Variants in ADAMTS9 observed in about 807,000 individuals in gnomAD.
ADAMTS9 encodes A disintegrin and metalloproteinase with thrombospondin motifs 9.
ADAMTS9 carries 107 observed loss-of-function variants against 257.1 expected under a neutral mutation model. The observed-to-expected ratio is 0.42, with a 90% CI of 0.36 to 0.49. ADAMTS9 has a LOEUF of 0.49. Ranked by LOEUF, ADAMTS9 falls within the 20% of genes least tolerant of loss-of-function variation. ADAMTS9 has a pLI of 0.03. For synonymous variants in ADAMTS9, 982 were observed against 880.9 expected (o/e 1.11, Z -2.03); for missense variants, 2,353 against 2,469.1 (o/e 0.95, Z 1.00).
chr3:64,687,037 G>A lies in ADAMTS9; in HGVS notation c.116-69C>T, dbSNP rs1701931780. 20 of 1,531,242 alleles carry A rather than the reference G, an allele frequency of 1.3e-5. No individual in the cohort carries two copies. The highest frequency in any genetic ancestry group is 4.4e-6 in the Non-Finnish European group (5 of 1,134,166). The allele number at this position is 1,531,242 out of a possible 1,614,324, so 94.9% of individuals were successfully genotyped here. On this transcript the variant is annotated intron_variant, in intron 1 of 39. Coordinates refer to ENST00000498707, the MANE Select transcript of ADAMTS9 (RefSeq NM_182920.2). The surrounding 1 kb of genome is among the most constrained non-coding windows in gnomAD (Gnocchi z 4.4). ...CCTTAAGCTTTAATTTAAAACGAAG[G>A]TGGGGACTTTGTTCTGACCTTATTT...
chr3:64,571,087 A>G (rs2083673818), intron 28 of ADAMTS9, among the ~76,000 whole-genome samples: 1 of 152,214 alleles, frequency 6.6e-6, no homozygotes, highest in Admixed American at 6.5e-5. Flanking sequence ...TATAAGGGAA[A>G]AGAGAGTTGT....
chr3:64,545,666 G>A (rs1388932646), intron 32 of ADAMTS9, among the ~76,000 whole-genome samples: 3 of 152,102 alleles, frequency 2.0e-5, no homozygotes, highest in African/African-American at 7.2e-5. Context: ...TAAATGACGA[G>A]TTAATAGGTG....
intron 22 of ADAMTS9, among the ~76,000 whole-genome samples, chr3:64,610,502 C>A (rs969810953): frequency 9.7e-6 from 1 of 102,738 alleles, no homozygotes; most frequent in Non-Finnish European, 1.8e-5. Flanking sequence ...TAACACAATT[C>A]ATATTTTTTT....
chr3:64,598,656 C>T (rs1028265871), intron 26 of ADAMTS9, among the ~76,000 whole-genome samples: 6 of 152,032 alleles, frequency 3.9e-5, no homozygotes, highest in South Asian at 4.1e-4. Context: ...CAGCTTAGTA[C>T]ATAATAAAAA....
intron 3 of ADAMTS9, among the ~76,000 whole-genome samples, chr3:64,663,736 G>A (rs1701280505): frequency 6.6e-6 from 1 of 152,048 alleles, no homozygotes; most frequent in South Asian, 2.1e-4. Flanking sequence ...ACTTTAGGTG[G>A]CATGAAAATG....
intron 22 of ADAMTS9, among the ~76,000 whole-genome samples, chr3:64,607,561 G>T (rs1025960663): frequency 2.0e-5 from 3 of 152,156 alleles, no homozygotes; most frequent in African/African-American, 7.2e-5. Context: ...ACAGCATACA[G>T]GTAGTTAGGA....
At chr3:64,532,749 G>C (rs1468921712) in intron 38 of ADAMTS9, among the ~76,000 whole-genome samples, 2 of 152,070 alleles carry the variant, frequency 1.3e-5, no homozygotes, top group Admixed American at 1.3e-4. Flanking sequence ...TAAGTTATCT[G>C]TCTTCTAGCT....
chr3:64,616,043 T>C lies in ADAMTS9; in HGVS notation c.2941A>G (p.Ser981Gly), dbSNP rs965988040. 1.2e-6 allele frequency: 2 copies of C among 1,613,902 alleles called. No homozygotes were observed. Among genetic ancestry groups the C allele is most frequent in the Admixed American group, 1.7e-5 (1 of 59,990 alleles). ...CGGTTGCTTGGTTTGGGATGGCTGCTGCAAAAACCATCATCAACCTTCTCA... is the reference window on the plus strand; with the variant it reads ...CGGTTGCTTGGTTTGGGATGGCTGCCGCAAAAACCATCATCAACCTTCTCA... ...KTEKVDDGFC[S>G]SHPKPSNREK... is the part of the protein sequence containing the mutation. The change falls in exon 20 of 40, where the codon AGC becomes GGC. Residue 981 changes from serine (S) to glycine (G), a missense_variant. Transcript: ENST00000498707.
chr3:64,535,474 A>G (rs1458105780), intron 37 of ADAMTS9, among the ~76,000 whole-genome samples: 1 of 151,662 alleles, frequency 6.6e-6, no homozygotes, highest in African/African-American at 2.4e-5. Context: ...TTTTGATTGT[A>G]GCTGCACTGA....
At chr3:64,552,551 G>C (rs952754384) in intron 30 of ADAMTS9, among the ~76,000 whole-genome samples, 2 of 151,570 alleles carry the variant, frequency 1.3e-5, no homozygotes, top group Non-Finnish European at 2.9e-5. Flanking sequence ...TGTGTGGTCA[G>C]AATGTTGTCT....
intron 12 of ADAMTS9, among the ~76,000 whole-genome samples, 198 bp downstream of exon 12, chr3:64,641,650 A>G (rs1012352271): frequency 6.6e-6 from 1 of 151,954 alleles, no homozygotes; most frequent in Admixed American, 6.6e-5. Flanking sequence ...ATAACAAAGG[A>G]TCTTGAGAGT....
At chr3:64,674,296 G>A (rs574240411) in intron 3 of ADAMTS9, among the ~76,000 whole-genome samples, 4 of 152,216 alleles carry the variant, frequency 2.6e-5, no homozygotes, top group African/African-American at 9.6e-5. Context: ...TATAAACACC[G>A]ATGAAGAACA....
intron 3 of ADAMTS9, among the ~76,000 whole-genome samples, chr3:64,669,056 A>T (rs1022454980): frequency 1.3e-5 from 2 of 152,136 alleles, no homozygotes; most frequent in African/African-American, 4.8e-5. Flanking sequence ...GCTGTGCTCC[A>T]ATGACCAGTG....
At chr3:64,611,809 A>T (rs1014373650) in intron 22 of ADAMTS9, among the ~76,000 whole-genome samples, 1 of 152,126 alleles carries the variant, frequency 6.6e-6, no homozygotes, top group Non-Finnish European at 1.5e-5. Flanking sequence ...CCCATGACCC[A>T]AGAGTTGGGG....
intron 3 of ADAMTS9, among the ~76,000 whole-genome samples, chr3:64,674,824 A>G (rs1362545249): frequency 6.6e-6 from 1 of 152,134 alleles, no homozygotes; most frequent in African/African-American, 2.4e-5. Flanking sequence ...CTCTCACTCC[A>G]TTTGGGTACC....
In ADAMTS9 at chr3:64,687,335, AG is replaced by A. The variant is rs554620802; in HGVS notation, c.115+207del. On this transcript the variant is annotated intron_variant, in intron 1 of 39. Transcript: ENST00000498707. This position sits in a 1 kb window ranked among gnomAD's most constrained non-coding sequence, Gnocchi z 4.4. Reference sequence around the variant, plus strand: ...GGGATATATCTGGCAACAGCAAGGTAGGGGGGGGTTGCCTAAATTCGTTTCC... The same window carrying A: ...GGGATATATCTGGCAACAGCAAGGTAGGGGGGGTTGCCTAAATTCGTTTCC... Among the ~76,000 whole-genome samples, 826 of 151,772 alleles carry A rather than the reference AG, an allele frequency of 5.4e-3. 9 individuals carry two copies. Among genetic ancestry groups the A allele is most frequent in the African/African-American group, 0.019 (787 of 41,336 alleles).
chr3:64,687,433 C>A lies in ADAMTS9; in HGVS notation c.115+110G>T. On this transcript the variant is annotated intron_variant, in intron 1 of 39. Coordinates refer to ENST00000498707, the MANE Select transcript of ADAMTS9 (RefSeq NM_182920.2). The surrounding 1 kb of genome is among the most constrained non-coding windows in gnomAD (Gnocchi z 4.4). ...AGAGGCTGCAAAGCGGGAGATAATT[C>A]TTTCTAGGAAAAGGAGAGAAGCCTC... is the stretch of plus-strand genomic sequence containing the variant. 4.4e-6 allele frequency: 4 copies of A among 905,524 alleles called. No homozygotes were observed. Among genetic ancestry groups the A allele is most frequent in the Non-Finnish European group, 6.5e-6 (4 of 620,092 alleles). The allele number at this position is 905,524 out of a possible 1,614,324, so 56.1% of individuals were successfully genotyped here. A position where few individuals can be genotyped will look rare whatever the true frequency, so the allele number is the denominator to read the frequency against.
chr3:64,615,495 C>T lies in ADAMTS9; in HGVS notation c.3025-10G>A. 1 of 1,596,890 alleles carries T rather than the reference C, an allele frequency of 6.3e-7. No homozygotes were observed. The highest frequency in any genetic ancestry group is 8.5e-7 in the Non-Finnish European group (1 of 1,174,308). On this transcript the variant is annotated splice_polypyrimidine_tract_variant and intron_variant, in intron 20 of 39. Transcript: ENST00000498707. The stretch of plus-strand genomic sequence containing the variant: ...CACAGCTTTTTGAACACTGTAGGGA[C>T]AAAATAAATAAATAAAACTGTTGCT...
At position 64,687,339 on chromosome 3, in the gene ADAMTS9, G is replaced by C. The variant is rs1701942713; in HGVS notation, c.115+204C>G. On this transcript the variant is annotated intron_variant, in intron 1 of 39. Transcript: ENST00000498707. This position sits in a 1 kb window ranked among gnomAD's most constrained non-coding sequence, Gnocchi z 4.4. ...TATATCTGGCAACAGCAAGGTAGGG[G>C]GGGGTTGCCTAAATTCGTTTCCATA... Among the ~76,000 whole-genome samples, 1 of 152,206 alleles carries C rather than the reference G, an allele frequency of 6.6e-6. No homozygotes were observed.
Sources: allele counts gnomAD v4.1 joint callset (sites outside exome capture counted in the v4.1 genomes callset), GRCh38; gene constraint gnomAD v4.1.1; non-coding constraint Gnocchi (gnomAD v3.1); transcripts MANE v1.5; gene names NCBI Gene and HGNC (gene_info 2026-07-23, HGNC 2026-07-21).